Variants in DUSP29 observed in about 807,000 individuals in gnomAD.
DUSP29 encodes the protein atypical dual-specific protein phosphatase.
In DUSP29, 12 loss-of-function variants were observed where a neutral mutation model predicts 13.5. That is an observed-to-expected ratio of 0.89 (90% CI 0.57 to 1.44). The LOEUF is 1.44. Ranked by LOEUF, DUSP29 falls within the 40% of genes most tolerant of loss-of-function variation. The pLI, the probability that DUSP29 is intolerant of heterozygous loss-of-function variation, is 0.00. For missense variants in DUSP29, 308 were observed against 301.1 expected (o/e 1.02, Z -0.17); for synonymous variants, 134 against 128.7 (o/e 1.04, Z -0.28).
At chr10:75,061,796 AAG>A (rs1336605962) in intron 1 of DUSP29, among the ~76,000 whole-genome samples, 9 of 152,156 alleles carry the variant, frequency 5.9e-5, no homozygotes, top group African/African-American at 2.2e-4. Context: ...TCTGGCACGT[AAG>A]AGGTGCTCAG....
chr10:75,046,131 A>G (rs11001258), intron 2 of DUSP29, among the ~76,000 whole-genome samples: 1 of 143,224 alleles, frequency 7.0e-6, no homozygotes, highest in East Asian at 2.7e-4. Context: ...AAGAAAAGAA[A>G]AAAGAAAGAA....
At chr10:75,038,985 C>A (rs1454933488) in intron 3 of DUSP29, among the ~76,000 whole-genome samples, 1 of 152,146 alleles carries the variant, frequency 6.6e-6, no homozygotes, top group Non-Finnish European at 1.5e-5. Flanking sequence ...AAGGTCCAGG[C>A]AACACTTTTG....
In DUSP29 at chr10:75,037,953, G is replaced by T. The variant is rs759459941; in HGVS notation, c.546C>A (p.Cys182Ter). The change falls in exon 4 of 4, where the codon TGC becomes TGA. Residue 182 changes from cysteine to a stop codon, truncating the protein, a stop_gained. Transcript: ENST00000338487. LOFTEE classifies it low-confidence loss of function (END_TRUNC). The stretch of plus-strand genomic sequence containing the variant: ...TCAAAAAGCCCCGGTTCGGGAGGAC[G>T]CAGCGGTTCTTGGCCACTTGCTGGA... The part of the protein sequence containing the change: ...DAIQQVAKNR[C>*]VLPNRGFLKQ... The T allele has an allele frequency of 6.2e-7, 1 of 1,613,822 alleles. No homozygotes were observed. The highest frequency in any genetic ancestry group is 1.3e-5 in the African/African-American group (1 of 74,946).
intron 3 of DUSP29, among the ~76,000 whole-genome samples, chr10:75,041,592 G>A (rs1470707250): frequency 6.6e-6 from 1 of 152,188 alleles, no homozygotes; most frequent in Non-Finnish European, 1.5e-5. Context: ...TGCAGGGTAG[G>A]CGTTTGAGCC....
chr10:75,068,729 G>T (rs567108652), intron 1 of DUSP29, among the ~76,000 whole-genome samples: 3 of 152,272 alleles, frequency 2.0e-5, no homozygotes, highest in Non-Finnish European at 2.9e-5. Flanking sequence ...TACTGCTAGG[G>T]TACGTGGGGA....
chr10:75,065,748 T>C (rs1589869015), intron 1 of DUSP29, among the ~76,000 whole-genome samples: 1 of 151,932 alleles, frequency 6.6e-6, no homozygotes, highest in East Asian at 1.9e-4. Flanking sequence ...TGTGGTGCAG[T>C]GGTTCAATCA....
At chr10:75,041,912 G>A (rs1589856211) in intron 3 of DUSP29, among the ~76,000 whole-genome samples, 1 of 152,298 alleles carries the variant, frequency 6.6e-6, no homozygotes, top group Non-Finnish European at 1.5e-5. Context: ...TTCTGGATTT[G>A]GCAGTGGGGG....
At chr10:75,040,662 C>A (rs1286317631) in intron 3 of DUSP29, among the ~76,000 whole-genome samples, 1 of 152,214 alleles carries the variant, frequency 6.6e-6, no homozygotes, top group Non-Finnish European at 1.5e-5. Flanking sequence ...TTCTGTGAGG[C>A]CTCGGTGACA....
At chr10:75,051,582 A>G (rs997565976) in intron 2 of DUSP29, among the ~76,000 whole-genome samples, 2 of 152,218 alleles carry the variant, frequency 1.3e-5, no homozygotes, top group Admixed American at 6.5e-5. Context: ...CTGGGCTCCA[A>G]GGATAGATAG....
intron 1 of DUSP29, among the ~76,000 whole-genome samples, chr10:75,059,701 G>A (rs1381125019): frequency 2.0e-5 from 3 of 152,136 alleles, no homozygotes; most frequent in Non-Finnish European, 4.4e-5. Context: ...CGGGGATGCA[G>A]AGAATGTAGG....
At chr10:75,049,535 A>T (rs1043635499) in intron 2 of DUSP29, among the ~76,000 whole-genome samples, 5 of 152,194 alleles carry the variant, frequency 3.3e-5, no homozygotes, top group South Asian at 4.1e-4. Flanking sequence ...CTTGCCTGTG[A>T]CTGCTGCCCA....
chr10:75,062,762 G>A (rs1847118931), intron 1 of DUSP29, among the ~76,000 whole-genome samples: 1 of 152,164 alleles, frequency 6.6e-6, no homozygotes, highest in Non-Finnish European at 1.5e-5. Context: ...AGACAAATCT[G>A]TTCTGTTTGG....
chr10:75,038,984 G>A lies in DUSP29; in HGVS notation c.422-907C>T, dbSNP rs140095973. ...CCTATTGAGAAGAATCAAGGTCCAG[G>A]CAACACTTTTGTTCCTTCTTGTGGT... On this transcript the variant is annotated intron_variant, in intron 3 of 3. Transcript: ENST00000338487. Among the ~76,000 whole-genome samples the A allele has an allele frequency of 6.0e-3, 920 of 152,220 alleles. 5 individuals are homozygous for A. Among genetic ancestry groups the A allele is most frequent in the African/African-American group, 0.021 (862 of 41,530 alleles).
At chr10:75,050,160 A>C (rs964444152) in intron 2 of DUSP29, among the ~76,000 whole-genome samples, 1 of 152,216 alleles carries the variant, frequency 6.6e-6, no homozygotes, top group African/African-American at 2.4e-5. Context: ...AATCACTTTG[A>C]TGGTAGCCAG....
At chr10:75,064,522 C>T (rs915767055) in intron 1 of DUSP29, among the ~76,000 whole-genome samples, 2 of 152,048 alleles carry the variant, frequency 1.3e-5, no homozygotes, top group African/African-American at 2.4e-5. Context: ...CAAAAAACAA[C>T]AACAAAAAAA....
At chr10:75,056,528 G>A (rs1038948747) in intron 2 of DUSP29, among the ~76,000 whole-genome samples, 7 of 151,372 alleles carry the variant, frequency 4.6e-5, no homozygotes, top group South Asian at 2.1e-4. Flanking sequence ...TTAGCTGGGC[G>A]TGGTGGCGCA....
intron 2 of DUSP29, among the ~76,000 whole-genome samples, chr10:75,044,993 A>G (rs1432919302): frequency 6.6e-6 from 1 of 152,236 alleles, no homozygotes; most frequent in East Asian, 1.9e-4. Context: ...CCTGTAATCA[A>G]TTATCCATCC....
intron 2 of DUSP29, among the ~76,000 whole-genome samples, chr10:75,051,642 C>T (rs534527355): frequency 6.6e-6 from 1 of 152,314 alleles, no homozygotes; most frequent in East Asian, 1.9e-4. Flanking sequence ...GTCCTGACCT[C>T]CTTCACTTCC....
rs1216417566 is a variant in DUSP29 at position 75,060,453 on chromosome 10, C to T, written c.-34-1905G>A. On this transcript the variant is annotated intron_variant, in intron 1 of 3. Transcript: ENST00000338487. The stretch of plus-strand genomic sequence containing the variant: ...ATCATATCACTGCTCTCCTGGGCAA[C>T]ACAGTGAGACCTTATAAAAAAAAAA... 4.3e-5 allele frequency among the ~76,000 whole-genome samples: 6 copies of T among 138,540 alleles called. No individual in the cohort carries two copies. In the Admixed American group the frequency reaches 4.5e-4, roughly 10 times the overall value. The allele number at this position is 138,540 out of a possible 152,430, so 90.9% of individuals were successfully genotyped here.
Sources: allele counts gnomAD v4.1 joint callset (sites outside exome capture counted in the v4.1 genomes callset), GRCh38; gene constraint gnomAD v4.1.1; transcripts MANE v1.5; gene names NCBI Gene and HGNC (gene_info 2026-07-23, HGNC 2026-07-21).